The following PTCHD4 variants were observed in gnomAD, a reference collection of about 807,000 sequenced individuals.
PTCHD4 encodes the protein patched domain-containing protein 4.
In PTCHD4, 33 loss-of-function variants were observed where a neutral mutation model predicts 58.1. That is an observed-to-expected ratio of 0.57 (90% CI 0.43 to 0.76). PTCHD4 has a LOEUF of 0.76. Among genes scored for constraint, PTCHD4 ranks in the 30% least tolerant of loss-of-function variants. The probability of loss-of-function intolerance (pLI) is 0.00; values close to 1 mark genes in which losing one functional copy is unlikely to be tolerated. For synonymous variants in PTCHD4, 478 were observed against 409.6 expected (o/e 1.17, Z -2.02); for missense variants, 1,058 against 1,027.1 (o/e 1.03, Z -0.41).
chr6:47,859,638 G>GAA lies in PTCHD4; in HGVS notation c.*18663_*18664dup, dbSNP rs11398233. Among the ~76,000 whole-genome samples the GAA allele has an allele frequency of 6.6e-6, 1 of 151,300 alleles. No homozygotes were observed. The highest frequency in any genetic ancestry group is 2.1e-4 in the South Asian group (1 of 4,816). On this transcript the variant is annotated 3_prime_UTR_variant, in exon 5 of 5. Coordinates refer to ENST00000339488, the MANE Select transcript of PTCHD4 (RefSeq NM_001384253.1). ...TGGGCTTATAGCAGTTTACAGAGCA[G>GAA]AAAAATATCTCTGCCCCCTTAGAGC...
intron 4 of PTCHD4, chr6:47,899,533 G>A: frequency 1.1e-5 from 11 of 960,600 alleles, no homozygotes; most frequent in Non-Finnish European, 1.2e-5. Context: ...AGTATTTGCT[G>A]AAATAACTTT....
chr6:47,913,441 C>A (rs758140450), intron 4 of PTCHD4, among the ~76,000 whole-genome samples: 10 of 152,120 alleles, frequency 6.6e-5, no homozygotes, highest in Non-Finnish European at 1.0e-4. Flanking sequence ...CAATGTGTTT[C>A]TCTTTTATGT....
rs1263742824 is a variant in PTCHD4 at position 47,870,239 on chromosome 6, T to C, written c.*8064A>G. Among the ~76,000 whole-genome samples the C allele has an allele frequency of 7.3e-5, 11 of 151,672 alleles. No homozygotes were observed. Among genetic ancestry groups the C allele is most frequent in the Admixed American group, 6.6e-4 (10 of 15,180 alleles). On this transcript the variant is annotated 3_prime_UTR_variant, in exon 5 of 5. Coordinates refer to ENST00000339488, the MANE Select transcript of PTCHD4 (RefSeq NM_001384253.1). The stretch of plus-strand genomic sequence containing the variant: ...TTCCAAGTAGCTAAGATTTAATTGT[T>C]ATTTTTCTTAAGATTTGTACCTGTA...
intron 4 of PTCHD4, among the ~76,000 whole-genome samples, chr6:47,987,277 G>T (rs528349412): frequency 1.5e-3 from 211 of 139,030 alleles, no homozygotes; most frequent in African/African-American, 5.4e-3. Context: ...GGAAGGGGGA[G>T]GGATAACATT....
chr6:47,984,642 C>T (rs1456579408), intron 4 of PTCHD4, among the ~76,000 whole-genome samples: 1 of 151,970 alleles, frequency 6.6e-6, no homozygotes, highest in Admixed American at 6.6e-5. Flanking sequence ...TATAAAGGTT[C>T]AGTGCAGATA....
intron 4 of PTCHD4, among the ~76,000 whole-genome samples, chr6:47,909,186 T>C (rs1481276947): frequency 6.6e-6 from 1 of 152,166 alleles, no homozygotes; most frequent in Non-Finnish European, 1.5e-5. Flanking sequence ...ATTATTATTG[T>C]AATTTGAGGT....
intron 1 of PTCHD4, among the ~76,000 whole-genome samples, chr6:48,080,337 A>T (rs1765141589): frequency 6.6e-6 from 1 of 152,238 alleles, no homozygotes; most frequent in African/African-American, 2.4e-5. Context: ...ACACATCTCC[A>T]GAAAACATAT....
Position 47,932,874 on chromosome 6 carries a change from C to T in PTCHD4, c.899-52938G>A, listed in dbSNP as rs531288548. Among the ~76,000 whole-genome samples, 75 of 152,276 alleles carry T rather than the reference C, an allele frequency of 4.9e-4. 1 individual carries two copies. The South Asian group carries it at 0.015, about 29-fold the overall frequency. On this transcript the variant is annotated intron_variant, in intron 4 of 4. Coordinates refer to ENST00000339488, the MANE Select transcript of PTCHD4 (RefSeq NM_001384253.1). ...AAAGTGAGGGTAATAAAATAATTCA[C>T]CTCATAGTTTTATTATGAGGCTAAA...
chr6:47,913,664 C>A (rs77976977), intron 4 of PTCHD4, among the ~76,000 whole-genome samples: 1 of 151,032 alleles, frequency 6.6e-6, no homozygotes, highest in Non-Finnish European at 1.5e-5. Flanking sequence ...TAAGCAGTGA[C>A]CCCAGTGCAC....
chr6:48,068,501 A>G lies in PTCHD4; in HGVS notation c.146T>C (p.Leu49Pro). 3 of 1,613,270 alleles carry G rather than the reference A, an allele frequency of 1.9e-6. No homozygotes were observed. The highest frequency in any genetic ancestry group is 2.5e-6 in the Non-Finnish European group (3 of 1,179,808). Reference protein sequence around the residue: ...PVFFLTVPAVLTITFGLSALN... With the variant: ...PVFFLTVPAVPTITFGLSALN... ...CGCGCTGAGGCCGAAGGTGATTGTCAGGACTGCGGGCACGGTGAGGAAAAA... is the reference window on the plus strand; with the variant it reads ...CGCGCTGAGGCCGAAGGTGATTGTCGGGACTGCGGGCACGGTGAGGAAAAA... The change falls in exon 3 of 5, where the codon CTG (leucine) becomes CCG (proline). Residue 49 changes from leucine (L) to proline (P), a missense_variant. Transcript: ENST00000339488. The surrounding 1 kb of genome is among the most constrained non-coding windows in gnomAD (Gnocchi z 4.2).
In PTCHD4 at chr6:48,059,677, G is replaced by A. The variant is rs116965917; in HGVS notation, c.417+8553C>T. 3.4e-4 allele frequency among the ~76,000 whole-genome samples: 52 copies of A among 152,092 alleles called. 1 individual carries two copies. The East Asian group carries it at 9.9e-3, about 29-fold the overall frequency. On this transcript the variant is annotated intron_variant, in intron 3 of 4. Coordinates refer to ENST00000339488, the MANE Select transcript of PTCHD4 (RefSeq NM_001384253.1). ...AAACAAAAAAGTACCTAAAGTCATA[G>A]ACTTAATGGGGGTAGGTCTGAGATG...
chr6:48,007,737 A>G (rs1762503337), intron 4 of PTCHD4, among the ~76,000 whole-genome samples: 2 of 152,148 alleles, frequency 1.3e-5, no homozygotes, highest in African/African-American at 4.8e-5. Flanking sequence ...CACCACCAAT[A>G]AGCTATTTGC....
intron 4 of PTCHD4, among the ~76,000 whole-genome samples, chr6:48,003,884 C>A (rs1383264981): frequency 6.6e-6 from 1 of 152,186 alleles, no homozygotes; most frequent in Admixed American, 6.5e-5. Flanking sequence ...ATATATTTCT[C>A]TCTGCCAGAG....
chr6:47,890,312 G>T (rs1764337948), intron 4 of PTCHD4, among the ~76,000 whole-genome samples: 1 of 152,002 alleles, frequency 6.6e-6, no homozygotes. Flanking sequence ...TTGCAGTCAA[G>T]ATTTTCATAC....
intron 4 of PTCHD4, among the ~76,000 whole-genome samples, chr6:47,891,899 G>T (rs1384272608): frequency 6.6e-6 from 1 of 152,110 alleles, no homozygotes; most frequent in Non-Finnish European, 1.5e-5. Flanking sequence ...TGTTGTCATT[G>T]CTGATTTATA....
chr6:48,105,648 A>G (rs1465255706), intron 1 of PTCHD4, among the ~76,000 whole-genome samples: 1 of 152,198 alleles, frequency 6.6e-6, no homozygotes, highest in African/African-American at 2.4e-5. Context: ...TCAAAAAATC[A>G]ATGAATCCAG....
In PTCHD4 at chr6:48,084,738, T is replaced by C. The variant is rs183916792; in HGVS notation, c.-969-14812A>G. Among the ~76,000 whole-genome samples, 328 of 149,086 alleles carry C rather than the reference T, an allele frequency of 2.2e-3. 1 individual carries two copies. Among genetic ancestry groups the C allele is most frequent in the South Asian group, 4.0e-3 (19 of 4,758 alleles). On this transcript the variant is annotated intron_variant, in intron 1 of 4. Transcript: ENST00000339488. ...ACTTTTCTTTTTTTCTTTCTTTCTT[T>C]TTTTTTTTTTTTTGAGACAGAGTCT...
intron 4 of PTCHD4, among the ~76,000 whole-genome samples, chr6:47,882,741 G>GAGAGATATATATATATATATAT (rs143060584): frequency 9.8e-6 from 1 of 102,374 alleles, no homozygotes; most frequent in African/African-American, 3.2e-5. Context: ...TGATTCCAGT[G>GAGAGATATATATATATATATAT]ATATATATAT....
intron 4 of PTCHD4, among the ~76,000 whole-genome samples, chr6:47,969,178 G>A (rs1255816222): frequency 6.6e-6 from 1 of 152,150 alleles, no homozygotes; most frequent in Non-Finnish European, 1.5e-5. Flanking sequence ...AAAAAATGGA[G>A]TTACTGATCA....
Sources: gnomAD v4.1 joint callset for allele counts (sites outside exome capture counted in the v4.1 genomes callset) on GRCh38, gnomAD v4.1.1 for gene constraint, Gnocchi (gnomAD v3.1) non-coding constraint, MANE v1.5 for transcripts, NCBI Gene and HGNC (gene_info 2026-07-23, HGNC 2026-07-21) for gene names.